HDAC9: variants seen among roughly 807,000 people sequenced by gnomAD.
HDAC9 encodes the protein histone deacetylase 9.
In HDAC9, 41 loss-of-function variants were observed where a neutral mutation model predicts 139.4. That is an observed-to-expected ratio of 0.29 (90% CI 0.23 to 0.38). The LOEUF (loss-of-function observed/expected upper bound fraction) is 0.38, where lower values mean the gene tolerates loss of function less well. HDAC9 is among the 10% of genes least tolerant of loss of function. The pLI is 1.00. For missense variants in HDAC9, 1,147 were observed against 1,297.0 expected, an observed-to-expected ratio of 0.88 and a Z score of 1.78; for synonymous variants, 517 against 476.2, an observed-to-expected ratio of 1.09 and a Z score of -1.12.
At position 18,168,556 on chromosome 7, in the gene HDAC9, CTCTGTGTGTGTG is replaced by C. The variant is rs904527315; in HGVS notation, c.25+6221_25+6232del. On this transcript the variant is annotated intron_variant, in intron 2 of 12. Transcript: ENST00000417496. ...GAGTTTACTCTTCAGAGTACAAAAA[CTCTGTGTGTGTG>C]TCTGTGTGTGTGTGTGTACGTGTGT... 9.2e-5 allele frequency among the ~76,000 whole-genome samples: 14 copies of C among 151,884 alleles called. 1 individual carries two copies. In the South Asian group the frequency reaches 1.9e-3, roughly 20 times the overall value.
At chr7:18,394,799 G>A (rs978882828) in intron 1 of HDAC9, among the ~76,000 whole-genome samples, 4 of 152,068 alleles carry the variant, frequency 2.6e-5, no homozygotes, top group East Asian at 1.9e-4. Context: ...AGTCTTAGCC[G>A]AACTGTTGTA....
chr7:18,604,563 AT>A lies in HDAC9; in HGVS notation c.664+10545del, dbSNP rs946704020. Among the ~76,000 whole-genome samples the A allele has an allele frequency of 4.0e-3, 606 of 149,890 alleles. 3 individuals carry two copies. The highest frequency in any genetic ancestry group is 0.014 in the African/African-American group (573 of 40,686). On this transcript the variant is annotated intron_variant, in intron 6 of 25. Coordinates refer to ENST00000686413, the MANE Select transcript of HDAC9 (RefSeq NM_178425.4). ...CTGGGACCACCACCACGCCCAGCTA[AT>A]TTTTTTTTTTAATTTTTAGTAGAGA...
At position 18,783,354 on chromosome 7, in the gene HDAC9, G is replaced by C. The variant is rs139591215; in HGVS notation, c.2215-9991G>C. Reference sequence around the variant, plus strand: ...AAATTATTATGTGGTAAGGGGCAAGGTTTTGTTTACTTACATTTCATTTCC... The same window carrying C: ...AAATTATTATGTGGTAAGGGGCAAGCTTTTGTTTACTTACATTTCATTTCC... On this transcript the variant is annotated intron_variant, in intron 16 of 25. Coordinates refer to ENST00000686413, the MANE Select transcript of HDAC9 (RefSeq NM_178425.4). 2.5e-3 allele frequency among the ~76,000 whole-genome samples: 387 copies of C among 152,156 alleles called. 2 individuals carry two copies. The highest frequency in any genetic ancestry group is 8.8e-3 in the African/African-American group (366 of 41,532).
chr7:18,928,503 C>G (rs1804434910), intron 22 of HDAC9, among the ~76,000 whole-genome samples: 1 of 152,166 alleles, frequency 6.6e-6, no homozygotes, highest in South Asian at 2.1e-4. Context: ...AAGATAAACA[C>G]TAACATACAT....
intron 1 of HDAC9, among the ~76,000 whole-genome samples, chr7:18,375,495 AC>A (rs887408105): frequency 1.7e-4 from 26 of 152,108 alleles, no homozygotes; most frequent in African/African-American, 2.4e-4. Context: ...CAAAAAAAAA[AC>A]AAAAGAGAAT....
At chr7:18,274,778 A>T (rs964327751) in intron 2 of HDAC9, among the ~76,000 whole-genome samples, 2 of 152,256 alleles carry the variant, frequency 1.3e-5, no homozygotes, top group Non-Finnish European at 2.9e-5. Flanking sequence ...ATTATACTTT[A>T]TCATTTATAT....
At position 18,774,064 on chromosome 7, in the gene HDAC9, G is replaced by C. The variant is rs1226204850; in HGVS notation, c.2214+6909G>C. ...TTGAGCCATAAGCAGGCAGTTCACA[G>C]CAGAATCCCTAGGATTTAATCATTC... On this transcript the variant is annotated intron_variant, in intron 16 of 25. Transcript: ENST00000686413. Among the ~76,000 whole-genome samples the C allele has an allele frequency of 3.3e-5, 5 of 151,986 alleles. No individual in the cohort carries two copies. The East Asian group carries it at 7.8e-4, about 24-fold the overall frequency.
At position 18,642,871 on chromosome 7, in the gene HDAC9, T is replaced by C. The variant is rs1033258201; in HGVS notation, c.913-1800T>C. ...AAACAAAGAAAACTCTTTTGTGAGG[T>C]CTATGGTATTTTTTGTGCCATTCTC... On this transcript the variant is annotated intron_variant, in intron 8 of 25. Transcript: ENST00000686413. Among the ~76,000 whole-genome samples the C allele has an allele frequency of 5.9e-5, 9 of 152,206 alleles. 1 individual carries two copies. In the South Asian group the frequency reaches 1.2e-3, roughly 21 times the overall value.
chr7:18,520,945 A>T (rs562070953), intron 2 of HDAC9, among the ~76,000 whole-genome samples: 1 of 152,320 alleles, frequency 6.6e-6, no homozygotes, highest in Admixed American at 6.5e-5. Context: ...AAGGACTTAG[A>T]ACATTCTCCT....
At chr7:18,357,292 A>G (rs151247295) in intron 1 of HDAC9, among the ~76,000 whole-genome samples, 15 of 152,186 alleles carry the variant, frequency 9.9e-5, no homozygotes, top group African/African-American at 3.4e-4. Context: ...ACAATGAGAA[A>G]TGCCTGAACA....
chr7:18,303,461 A>T (rs1032850592), intron 1 of HDAC9, among the ~76,000 whole-genome samples: 2 of 148,618 alleles, frequency 1.3e-5, no homozygotes, highest in Non-Finnish European at 3.0e-5. Context: ...GTTAGCCAGG[A>T]TGGTCTCGAT....
At chr7:18,579,046 T>C (rs946421185) in intron 2 of HDAC9, among the ~76,000 whole-genome samples, 7 of 152,212 alleles carry the variant, frequency 4.6e-5, no homozygotes, top group African/African-American at 1.7e-4. Flanking sequence ...GAGATAGTAA[T>C]CTCTAGCACC....
chr7:18,966,717 C>CA (rs3214216), intron 24 of HDAC9, among the ~76,000 whole-genome samples: 68,317 of 151,142 alleles, frequency 0.45, 15,742 homozygotes, highest in East Asian at 0.59. Flanking sequence ...ACAAACAGAC[C>CA]AAAAAAAAGA....
intron 2 of HDAC9, among the ~76,000 whole-genome samples, chr7:18,555,041 A>G (rs750702942): frequency 4.6e-5 from 7 of 152,242 alleles, no homozygotes; most frequent in African/African-American, 7.2e-5. Flanking sequence ...GTGTAGTTGT[A>G]TAGTTGATGA....
chr7:18,942,917 T>G (rs557191480), intron 23 of HDAC9, among the ~76,000 whole-genome samples: 15 of 151,774 alleles, frequency 9.9e-5, no homozygotes, highest in Admixed American at 7.2e-4. Flanking sequence ...TGGAAAAGAG[T>G]ATCATACAAA....
At chr7:18,584,722 T>C (rs1034339463) in intron 2 of HDAC9, among the ~76,000 whole-genome samples, 1 of 152,210 alleles carries the variant, frequency 6.6e-6, no homozygotes, top group Non-Finnish European at 1.5e-5. Context: ...ATTGCTGTGG[T>C]TAATTACCAT....
intron 2 of HDAC9, among the ~76,000 whole-genome samples, chr7:18,551,333 C>G (rs1439872544): frequency 6.6e-6 from 1 of 151,990 alleles, no homozygotes; most frequent in Non-Finnish European, 1.5e-5. Context: ...TGAAAGAGAT[C>G]CAGGGCAGAG....
At chr7:18,248,480 T>A (rs1056367528) in intron 2 of HDAC9, among the ~76,000 whole-genome samples, 4 of 152,190 alleles carry the variant, frequency 2.6e-5, no homozygotes, top group Non-Finnish European at 1.5e-5. Context: ...GTATTGAACA[T>A]GGTGGGCATG....
chr7:18,213,821 T>C (rs930878595), intron 2 of HDAC9, among the ~76,000 whole-genome samples: 1 of 152,166 alleles, frequency 6.6e-6, no homozygotes, highest in Non-Finnish European at 1.5e-5. Context: ...CTTTATTTCT[T>C]GAGACATGTC....
Sources: allele counts gnomAD v4.1 joint callset (sites outside exome capture counted in the v4.1 genomes callset), GRCh38; gene constraint gnomAD v4.1.1; transcripts MANE v1.5; gene names NCBI Gene and HGNC (gene_info 2026-07-23, HGNC 2026-07-21).